METTL14: variants seen among roughly 807,000 people sequenced by gnomAD.
METTL14 encodes the protein methyltransferase 14, N6-adenosine-methyltransferase non-catalytic subunit, also known as N(6)-adenosine-methyltransferase non-catalytic subunit METTL14.
METTL14 carries 32 observed loss-of-function variants against 62.4 expected under a neutral mutation model. That is an observed-to-expected ratio of 0.51 (90% confidence interval 0.39 to 0.69). METTL14 has a LOEUF of 0.69. Ranked by LOEUF, METTL14 falls within the 30% of genes least tolerant of loss-of-function variation. The pLI is 0.00. For synonymous variants in METTL14, 150 were observed against 180.0 expected, an observed-to-expected ratio of 0.83 and a Z score of 1.34; for missense variants, 340 against 551.9, an observed-to-expected ratio of 0.62 and a Z score of 3.85.
rs1724979266 is a variant in METTL14, at chr4:118,713,381, A to G, written c.*3079A>G. On this transcript the variant is annotated 3_prime_UTR_variant, in exon 11 of 11. Coordinates refer to ENST00000388822, the MANE Select transcript of METTL14 (RefSeq NM_020961.4). ...TTTAAAATACTTTCTACCCATCTTA[A>G]TTGCTAAATTATCTTTCAGTTAGTT... 1 of 152,170 alleles carries G rather than the reference A, an allele frequency of 6.6e-6. No homozygotes were observed. Among genetic ancestry groups the G allele is most frequent in the Admixed American group, 6.5e-5 (1 of 15,278 alleles). The allele number at this position is 152,170 out of a possible 1,614,324, so 9.4% of individuals were successfully genotyped here. A position where few individuals can be genotyped will look rare whatever the true frequency, so the allele number is the denominator to read the frequency against.
intron 10 of METTL14, among the ~76,000 whole-genome samples, chr4:118,708,934 C>T (rs1164928534): frequency 1.3e-5 from 2 of 152,168 alleles, no homozygotes; most frequent in Non-Finnish European, 2.9e-5. Context: ...TTTGTAGTTC[C>T]TTCCATTCTA....
Position 118,689,363 on chromosome 4 carries a change from T to A in METTL14, c.156-7T>A, listed in dbSNP as rs764006798. The A allele has an allele frequency of 2.9e-5, 45 of 1,548,460 alleles. No homozygotes were observed. The Admixed American group carries it at 8.6e-4, about 30-fold the overall frequency. On this transcript the variant is annotated splice_polypyrimidine_tract_variant and splice_region_variant and intron_variant, in intron 2 of 10. Transcript: ENST00000388822. ...ATTTATGGGTAATATTTCTGTTTATTTTTCAGGGCTTCCTATGATACCTCT... is the reference window on the plus strand; with the variant it reads ...ATTTATGGGTAATATTTCTGTTTATATTTCAGGGCTTCCTATGATACCTCT...
At position 118,715,306 on chromosome 4, in the gene METTL14, A is replaced by C. The variant is rs2110415195; in HGVS notation, c.*5004A>C. On this transcript the variant is annotated 3_prime_UTR_variant, in exon 11 of 11. Coordinates refer to ENST00000388822, the MANE Select transcript of METTL14 (RefSeq NM_020961.4). ...AGCACAATTTTGTTCTGATATATCC[A>C]GTTTAGTAGTTTATGCTGGTTAAAT... 6.6e-6 allele frequency: 1 copy of C among 152,344 alleles called. No homozygotes were observed. The highest frequency in any genetic ancestry group is 6.5e-5 in the Admixed American group (1 of 15,304). The allele number at this position is 152,344 out of a possible 1,614,324, so 9.4% of individuals were successfully genotyped here.
chr4:118,702,865 C>CT lies in METTL14; in HGVS notation c.739-1057dup, dbSNP rs923579198. On this transcript the variant is annotated intron_variant, in intron 8 of 10. Transcript: ENST00000388822. The stretch of plus-strand genomic sequence containing the variant: ...GAAAAGTGTATGTTTTATACTCTAT[C>CT]TTTTTTTTTTTTTGGTTCAGGGGGA... 5.0e-3 allele frequency among the ~76,000 whole-genome samples: 696 copies of CT among 139,136 alleles called. 5 individuals are homozygous for CT. The highest frequency in any genetic ancestry group is 0.017 in the African/African-American group (626 of 37,642). The allele number at this position is 139,136 out of a possible 152,430, so 91.3% of individuals were successfully genotyped here. A position where few individuals can be genotyped will look rare whatever the true frequency, so the allele number is the denominator to read the frequency against.
At chr4:118,689,233 A>C (rs1055545107) in intron 2 of METTL14, 137 bp from the exon 3 acceptor site, 2 of 459,698 alleles carry the variant, frequency 4.4e-6, no homozygotes, top group African/African-American at 4.0e-5. Context: ...TGGATGACTT[A>C]TAAACTGCGT....
intron 8 of METTL14, 85 bp from the exon 9 acceptor site, chr4:118,703,850 G>GT: frequency 4.7e-4 from 353 of 751,892 alleles, no homozygotes; most frequent in Non-Finnish European, 6.0e-4. Context: ...CCTCTAGAAA[G>GT]TTTTTTTTAA....
Position 118,688,006 on chromosome 4 carries a change from T to C in METTL14, c.150T>C (p.Thr50=). ...GAGAAATTGCTGAAACAAGAGAAAC[T>C]TGCAGGTCAGTCAGATAATTCTTTT... is the stretch of plus-strand genomic sequence containing the variant. ...EQREIAETRE[T]CRASYDTSAP... is the part of the protein sequence containing the mutation. Residue 50 remains threonine, a synonymous_variant, in exon 2 of 11, where the codon ACT becomes ACC. Transcript: ENST00000388822. The C allele has an allele frequency of 3.7e-6, 6 of 1,608,788 alleles. No homozygotes were observed. Among genetic ancestry groups the C allele is most frequent in the Non-Finnish European group, 5.1e-6 (6 of 1,176,530 alleles).
In METTL14 at chr4:118,701,183, G is replaced by GTTTTT. The variant is rs373953605; in HGVS notation, c.738+546_738+550dup. ...TATTTTTTTATTGGAGTTTTTTTTT[G>GTTTTT]TTTTTTTTTGTTTTTTTGAGACAAG... On this transcript the variant is annotated intron_variant, in intron 8 of 10. Coordinates refer to ENST00000388822, the MANE Select transcript of METTL14 (RefSeq NM_020961.4). Among the ~76,000 whole-genome samples the GTTTTT allele has an allele frequency of 2.7e-4, 36 of 132,306 alleles. 5 individuals are homozygous for GTTTTT. Among genetic ancestry groups the GTTTTT allele is most frequent in the South Asian group, 4.5e-4 (2 of 4,444 alleles). 86.8% of individuals were successfully genotyped at this position (132,306 alleles called of 152,430 possible).
chr4:118,702,150 T>C (rs1283752885), intron 8 of METTL14, among the ~76,000 whole-genome samples: 2 of 149,072 alleles, frequency 1.3e-5, no homozygotes, highest in Non-Finnish European at 3.0e-5. Flanking sequence ...GGCAGAGCCT[T>C]GCTCTGTCGC....
chr4:118,689,145 A>G (rs1037996766), intron 2 of METTL14, among the ~76,000 whole-genome samples: 3 of 152,186 alleles, frequency 2.0e-5, no homozygotes, highest in African/African-American at 7.2e-5. Flanking sequence ...TATATCCCTT[A>G]TAGCAGCTTA....
At chr4:118,709,885 GA>G (rs1412014075) in intron 10 of METTL14, 112 bp from the exon 11 acceptor site, 2 of 1,016,254 alleles carry the variant, frequency 2.0e-6, no homozygotes, top group African/African-American at 3.2e-5. Flanking sequence ...ATCAGTATTG[GA>G]TGAATGATGG....
intron 7 of METTL14, among the ~76,000 whole-genome samples, chr4:118,698,221 G>A (rs563067517): frequency 3.0e-4 from 46 of 152,116 alleles, no homozygotes; most frequent in Non-Finnish European, 1.5e-4. Context: ...TTGGGAGGCC[G>A]AGGAGGGTGG....
In METTL14 at chr4:118,713,662, G is replaced by T. The variant is rs1724984885; in HGVS notation, c.*3360G>T. On this transcript the variant is annotated 3_prime_UTR_variant, in exon 11 of 11. Coordinates refer to ENST00000388822, the MANE Select transcript of METTL14 (RefSeq NM_020961.4). Reference sequence around the variant, plus strand: ...CTTAGAACAATCCTGTAATCTTAGGGTTCATGTGTGACTAGCATTATCCTC... The same window carrying T: ...CTTAGAACAATCCTGTAATCTTAGGTTTCATGTGTGACTAGCATTATCCTC... The T allele has an allele frequency of 6.6e-6, 1 of 152,156 alleles. No homozygotes were observed. The highest frequency in any genetic ancestry group is 6.5e-5 in the Admixed American group (1 of 15,278). The allele number at this position is 152,156 out of a possible 1,614,324, so 9.4% of individuals were successfully genotyped here.
At chr4:118,700,786 C>A in intron 8 of METTL14, 144 bp downstream of exon 8, 1 of 558,396 alleles carries the variant, frequency 1.8e-6, no homozygotes, top group Non-Finnish European at 3.1e-6. Context: ...AAAAAATGTC[C>A]AGAAAAGAAC....
At chr4:118,703,077 A>G (rs1270931942) in intron 8 of METTL14, among the ~76,000 whole-genome samples, 1 of 151,838 alleles carries the variant, frequency 6.6e-6, no homozygotes, top group South Asian at 2.1e-4. Context: ...CGTAATCTAC[A>G]TTAGGTATTT....
In METTL14 at chr4:118,690,381, T is replaced by C. The variant is rs138327325; in HGVS notation, c.243+924T>C. On this transcript the variant is annotated intron_variant, in intron 3 of 10. Transcript: ENST00000388822. ...TCTTAAAGATGACTGAGGATATAAG[T>C]GTATCATAAACCTTGGGCCCAGTGT... is the stretch of plus-strand genomic sequence containing the variant. Among the ~76,000 whole-genome samples the C allele has an allele frequency of 3.7e-3, 568 of 151,954 alleles. 6 individuals are homozygous for C. Among genetic ancestry groups the C allele is most frequent in the African/African-American group, 0.013 (533 of 41,458 alleles).
intron 7 of METTL14, among the ~76,000 whole-genome samples, chr4:118,698,645 T>A (rs1238170256): frequency 6.6e-6 from 1 of 151,780 alleles, no homozygotes; most frequent in Non-Finnish European, 1.5e-5. Context: ...AGGGGAAGAG[T>A]TAAGGATAAC....
chr4:118,703,852 T>G, intron 8 of METTL14, 83 bp from the exon 9 acceptor site: 1 of 782,246 alleles, frequency 1.3e-6, no homozygotes, highest in East Asian at 2.8e-5. Flanking sequence ...TCTAGAAAGT[T>G]TTTTTTAATG....
rs17050450 is a variant in METTL14, at chr4:118,685,422, C to G, written c.-113C>G. 3,282 of 1,075,346 alleles carry G rather than the reference C, an allele frequency of 3.1e-3. 107 individuals are homozygous for G. The East Asian group carries it at 0.067, about 22-fold the overall frequency. 66.6% of individuals were successfully genotyped at this position (1,075,346 alleles called of 1,614,324 possible). A position where few individuals can be genotyped will look rare whatever the true frequency, so the allele number is the denominator to read the frequency against. On this transcript the variant is annotated 5_prime_UTR_variant, in exon 1 of 11. Coordinates refer to ENST00000388822, the MANE Select transcript of METTL14 (RefSeq NM_020961.4). Reference sequence around the variant, plus strand: ...TCTACTGAGGAAAGCTATGAGGATACTCTGTTCGTAAGCTCCCGGTGAATT... The same window carrying G: ...TCTACTGAGGAAAGCTATGAGGATAGTCTGTTCGTAAGCTCCCGGTGAATT...
Sources: gnomAD v4.1 joint callset for allele counts (sites outside exome capture counted in the v4.1 genomes callset) on GRCh38, gnomAD v4.1.1 for gene constraint, MANE v1.5 for transcripts, NCBI Gene and HGNC (gene_info 2026-07-23, HGNC 2026-07-21) for gene names.